The following CERKL variants were observed in gnomAD, a reference collection of about 807,000 sequenced individuals.
CERKL encodes ceramide kinase-like protein.
Under a neutral mutation model 63.4 loss-of-function variants are expected in CERKL, and 61 were observed. The observed-to-expected ratio is 0.96, with a 90% CI of 0.78 to 1.19. CERKL has a LOEUF of 1.19. Among genes scored for constraint, CERKL ranks in the 50% most tolerant of loss-of-function variants. The probability of loss-of-function intolerance (pLI) is 0.00; values close to 1 mark genes in which losing one functional copy is unlikely to be tolerated. For missense variants in CERKL, 675 were observed against 655.5 expected (o/e 1.03, Z -0.33); for synonymous variants, 250 against 230.5 (o/e 1.08, Z -0.77).
chr2:181,653,313 T>C (rs1225457836), intron 1 of CERKL, among the ~76,000 whole-genome samples: 1 of 152,206 alleles, frequency 6.6e-6, no homozygotes, highest in African/African-American at 2.4e-5. Flanking sequence ...GGTGGTATGA[T>C]TGTAAACTAG....
intron 1 of CERKL, chr2:181,617,445 A>C (rs867967218): frequency 2.4e-4 from 37 of 152,252 alleles, no homozygotes; most frequent in African/African-American, 6.8e-4. Context: ...AAAGTGAGTC[A>C]GTCACTAAGC....
intron 2 of CERKL, among the ~76,000 whole-genome samples, chr2:181,588,209 C>T (rs1461017410): frequency 6.6e-6 from 1 of 152,120 alleles, no homozygotes; most frequent in African/African-American, 2.4e-5. Context: ...ACTTCTTCCT[C>T]CTATCTAACT....
At chr2:181,549,482 A>G in intron 6 of CERKL, 152 bp downstream of exon 6, 1 of 649,744 alleles carries the variant, frequency 1.5e-6, no homozygotes, top group South Asian at 1.8e-5. Flanking sequence ...CACATAGTAA[A>G]GCATTGCCTT....
intron 1 of CERKL, among the ~76,000 whole-genome samples, chr2:181,640,936 GGAAAGA>G (rs1344416974): frequency 6.6e-6 from 1 of 152,156 alleles, no homozygotes; most frequent in Non-Finnish European, 1.5e-5. Flanking sequence ...CCGGGATGCA[GGAAAGA>G]GAGAGAGGAA....
chr2:181,588,108 T>C (rs1268019695), intron 2 of CERKL, among the ~76,000 whole-genome samples: 1 of 152,196 alleles, frequency 6.6e-6, no homozygotes, highest in Non-Finnish European at 1.5e-5. Flanking sequence ...ACTTATCATT[T>C]TGTGGTATGA....
intron 1 of CERKL, among the ~76,000 whole-genome samples, chr2:181,651,081 T>A (rs1041840064): frequency 6.6e-6 from 1 of 152,230 alleles, no homozygotes; most frequent in African/African-American, 2.4e-5. Flanking sequence ...ATGGCTTCAC[T>A]GCTGAACTCA....
intron 2 of CERKL, among the ~76,000 whole-genome samples, chr2:181,585,018 T>C (rs918107253): frequency 1.1e-4 from 16 of 151,724 alleles, no homozygotes; most frequent in African/African-American, 3.4e-4. Context: ...CATATATCGA[T>C]ATGGCTCTCT....
intron 1 of CERKL, 48 bp downstream of exon 1, chr2:181,656,721 G>A (rs1411145884): frequency 2.0e-6 from 3 of 1,482,458 alleles, no homozygotes; most frequent in Non-Finnish European, 2.7e-6. Context: ...GCCGGGGAGA[G>A]GGAGGAAGCG....
At chr2:181,599,261 C>T (rs1342752303) in intron 2 of CERKL, among the ~76,000 whole-genome samples, 2 of 152,096 alleles carry the variant, frequency 1.3e-5, no homozygotes, top group African/African-American at 4.8e-5. Flanking sequence ...GCAGGCCAGG[C>T]ATGGTGGCTC....
chr2:181,618,895 C>T (rs1686330122), intron 1 of CERKL, among the ~76,000 whole-genome samples: 1 of 152,224 alleles, frequency 6.6e-6, no homozygotes, highest in Middle Eastern at 3.4e-3. Context: ...ACAGGCATAG[C>T]CTTATGAAAA....
At chr2:181,588,022 C>T (rs1384440580) in intron 2 of CERKL, among the ~76,000 whole-genome samples, 14 of 152,056 alleles carry the variant, frequency 9.2e-5, no homozygotes, top group Non-Finnish European at 2.1e-4. Context: ...TTATCATGTA[C>T]ATCATGTTGT....
intron 2 of CERKL, among the ~76,000 whole-genome samples, chr2:181,575,940 G>A (rs1365794179): frequency 6.6e-6 from 1 of 152,100 alleles, no homozygotes; most frequent in Admixed American, 6.5e-5. Flanking sequence ...CCTCTCTGAA[G>A]TTTGTCTCAG....
In CERKL at chr2:181,547,741, A is replaced by G. The variant is rs774496068; in HGVS notation, c.1160-15T>C. 1.9e-6 allele frequency: 3 copies of G among 1,613,352 alleles called. No homozygotes were observed. The East Asian group carries it at 6.7e-5, about 36-fold the overall frequency. On this transcript the variant is annotated splice_polypyrimidine_tract_variant and intron_variant, in intron 9 of 12. Coordinates refer to ENST00000410087, the MANE Select transcript of CERKL (RefSeq NM_201548.5). ...ATCATTACAGTCTAAAGGTAATGAA[A>G]GTGATTGGTTATTTTCCCTCACCAG...
In CERKL at chr2:181,558,403, T is replaced by C. The variant is rs1187327264; in HGVS notation, c.820+163A>G. Among the ~76,000 whole-genome samples the C allele has an allele frequency of 1.3e-5, 2 of 152,160 alleles. No individual in the cohort carries two copies. The highest frequency in any genetic ancestry group is 4.8e-5 in the African/African-American group (2 of 41,440). Reference sequence around the variant, plus strand: ...ATTAGAAAAATAAGGCTCAAAGAGATTAAATGACTTGTCAAAAGTCTCACA... The same window carrying C: ...ATTAGAAAAATAAGGCTCAAAGAGACTAAATGACTTGTCAAAAGTCTCACA... On this transcript the variant is annotated intron_variant, in intron 5 of 12. Coordinates refer to ENST00000410087, the MANE Select transcript of CERKL (RefSeq NM_201548.5). This position sits in a 1 kb window ranked among gnomAD's most constrained non-coding sequence, Gnocchi z 4.2.
At chr2:181,635,542 T>C (rs1264857160) in intron 1 of CERKL, among the ~76,000 whole-genome samples, 2 of 152,148 alleles carry the variant, frequency 1.3e-5, no homozygotes, top group Non-Finnish European at 2.9e-5. Context: ...CAAAACATAC[T>C]GTCATCCCTT....
At chr2:181,614,342 T>C (rs1015009165) in intron 1 of CERKL, among the ~76,000 whole-genome samples, 8 of 152,174 alleles carry the variant, frequency 5.3e-5, no homozygotes, top group Non-Finnish European at 1.2e-4. Context: ...ATTCTTAGAA[T>C]ATACAAATAC....
intron 1 of CERKL, among the ~76,000 whole-genome samples, chr2:181,628,782 A>C (rs1163894837): frequency 2.0e-5 from 3 of 152,180 alleles, no homozygotes; most frequent in Non-Finnish European, 4.4e-5. Context: ...CCAAGTAATT[A>C]CTGCTGAGAT....
intron 2 of CERKL, among the ~76,000 whole-genome samples, chr2:181,578,442 G>A (rs940450310): frequency 6.6e-6 from 1 of 152,130 alleles, no homozygotes; most frequent in South Asian, 2.1e-4. Context: ...TGGGACCACA[G>A]GCATACACCA....
intron 3 of CERKL, among the ~76,000 whole-genome samples, chr2:181,573,406 G>C (rs1024116426): frequency 6.6e-6 from 1 of 152,080 alleles, no homozygotes; most frequent in African/African-American, 2.4e-5. Flanking sequence ...CTATATAAGT[G>C]AGCAAAAAAT....
Sources: allele counts gnomAD v4.1 joint callset (sites outside exome capture counted in the v4.1 genomes callset), GRCh38; gene constraint gnomAD v4.1.1; non-coding constraint Gnocchi (gnomAD v3.1); transcripts MANE v1.5; gene names NCBI Gene and HGNC (gene_info 2026-07-23, HGNC 2026-07-21).